The following SLC27A6 variants were observed in gnomAD, a reference collection of about 807,000 sequenced individuals.
SLC27A6 encodes long-chain fatty acid transport protein 6.
SLC27A6 carries 74 observed loss-of-function variants against 63.9 expected under a neutral mutation model. The observed-to-expected ratio is 1.16, with a 90% CI of 0.96 to 1.40. SLC27A6 has a LOEUF of 1.40. SLC27A6 is among the 40% of genes most tolerant of loss of function. SLC27A6 has a pLI of 0.00. For synonymous variants in SLC27A6, 287 were observed against 260.8 expected (o/e 1.10, Z -0.97); for missense variants, 794 against 732.9 (o/e 1.08, Z -0.96).
intron 4 of SLC27A6, among the ~76,000 whole-genome samples, chr5:129,004,384 A>T (rs1751448054): frequency 1.3e-5 from 2 of 150,810 alleles, no homozygotes; most frequent in Non-Finnish European, 1.5e-5. Flanking sequence ...TTGTTCTGTG[A>T]GTCTCTCTTG....
At chr5:128,983,908 T>C (rs1750700158) in intron 1 of SLC27A6, among the ~76,000 whole-genome samples, 1 of 152,210 alleles carries the variant, frequency 6.6e-6, no homozygotes, top group Non-Finnish European at 1.5e-5. Flanking sequence ...CTTCTGGTAG[T>C]TGCCAGTAAT....
Position 128,990,420 on chromosome 5 carries a change from C to T in SLC27A6, c.925C>T (p.Gln309Ter). ...DCKKYDVTVF[Q>*]YIGELCRYLC... is the part of the protein sequence containing the mutation. The stretch of plus-strand genomic sequence containing the variant: ...CAAGAAGTATGATGTGACTGTGTTT[C>T]AGTATATTGGAGAACTTTGTCGCTA... Residue 309 changes from glutamine (Q) to a stop codon, truncating the protein, a stop_gained, in exon 4 of 10, where the codon CAG becomes TAG. Coordinates refer to ENST00000262462, the MANE Select transcript of SLC27A6 (RefSeq NM_001017372.3). LOFTEE classifies it high-confidence loss of function. 6.2e-7 allele frequency: 1 copy of T among 1,613,812 alleles called. No homozygotes were observed. Among genetic ancestry groups the T allele is most frequent in the Non-Finnish European group, 8.5e-7 (1 of 1,179,912 alleles).
chr5:129,016,163 T>C lies in SLC27A6; in HGVS notation c.1164+84T>C, dbSNP rs528267138. On this transcript the variant is annotated intron_variant, in intron 5 of 9. Coordinates refer to ENST00000262462, the MANE Select transcript of SLC27A6 (RefSeq NM_001017372.3). ...ATCCCAACACTTTGGGACGCCGAGG[T>C]GGGCAGATCATGAGGTCAGGAGATC... 21 of 936,698 alleles carry C rather than the reference T, an allele frequency of 2.2e-5. No individual in the cohort carries two copies. In the African/African-American group the frequency reaches 3.4e-4, roughly 15 times the overall value. The allele number at this position is 936,698 out of a possible 1,614,324, so 58.0% of individuals were successfully genotyped here. A position where few individuals can be genotyped will look rare whatever the true frequency, so the allele number is the denominator to read the frequency against.
At chr5:128,998,443 C>T (rs1284027908) in intron 4 of SLC27A6, among the ~76,000 whole-genome samples, 1 of 151,288 alleles carries the variant, frequency 6.6e-6, no homozygotes, top group East Asian at 1.9e-4. Context: ...TGGTCTTTGA[C>T]TAATAAAAAT....
At chr5:129,022,018 T>G (rs1021157843) in intron 5 of SLC27A6, among the ~76,000 whole-genome samples, 4 of 152,162 alleles carry the variant, frequency 2.6e-5, no homozygotes. Flanking sequence ...GAATAAGTAA[T>G]GAACAGGGCT....
intron 4 of SLC27A6, among the ~76,000 whole-genome samples, chr5:128,991,090 C>T (rs181658193): frequency 8.5e-5 from 13 of 152,328 alleles, no homozygotes; most frequent in African/African-American, 2.9e-4. Flanking sequence ...TTGCCACTGC[C>T]GGCTCAAATG....
chr5:128,977,088 A>G (rs1200322706), intron 1 of SLC27A6, among the ~76,000 whole-genome samples: 3 of 152,230 alleles, frequency 2.0e-5, no homozygotes, highest in African/African-American at 7.2e-5. Context: ...TACCAAATGA[A>G]CAGTGGAGAG....
intron 4 of SLC27A6, among the ~76,000 whole-genome samples, chr5:129,001,833 A>C (rs989205317): frequency 6.6e-6 from 1 of 152,216 alleles, no homozygotes; most frequent in Non-Finnish European, 1.5e-5. Flanking sequence ...GAATAACCAC[A>C]TGTTTTGGAA....
chr5:128,975,521 T>C (rs892243419), intron 1 of SLC27A6, among the ~76,000 whole-genome samples: 3 of 152,340 alleles, frequency 2.0e-5, no homozygotes, highest in Admixed American at 2.0e-4. Flanking sequence ...ATTACTGTAC[T>C]GAATATCGTA....
chr5:128,988,972 C>T (rs373309061), intron 3 of SLC27A6, among the ~76,000 whole-genome samples: 15 of 152,086 alleles, frequency 9.9e-5, no homozygotes, highest in African/African-American at 3.6e-4. Context: ...AGGATTTGGC[C>T]ATGTGGTCGG....
At chr5:128,990,230 A>G in intron 3 of SLC27A6, 110 bp from the exon 4 acceptor site, 1 of 1,085,000 alleles carries the variant, frequency 9.2e-7, no homozygotes, top group Non-Finnish European at 1.3e-6. Context: ...GAGTTATTAA[A>G]GTTTTAAAAT....
chr5:129,029,566 C>G lies in SLC27A6; in HGVS notation c.1553-11C>G, dbSNP rs1752352410. On this transcript the variant is annotated splice_polypyrimidine_tract_variant and intron_variant, in intron 8 of 9. Transcript: ENST00000262462. Reference sequence around the variant, plus strand: ...TACTTAAAAATGACTCTATTTCAAACTTTTTTTCAGGTTATGAAGGAAGAG... The same window carrying G: ...TACTTAAAAATGACTCTATTTCAAAGTTTTTTTCAGGTTATGAAGGAAGAG... 1 of 1,549,328 alleles carries G rather than the reference C, an allele frequency of 6.5e-7. No individual in the cohort carries two copies.
chr5:129,010,646 T>C (rs1043195264), intron 4 of SLC27A6, among the ~76,000 whole-genome samples: 2 of 152,158 alleles, frequency 1.3e-5, no homozygotes, highest in African/African-American at 2.4e-5. Flanking sequence ...AGCCCCCAGC[T>C]GATAGCCAGC....
chr5:128,979,891 C>A (rs1750525542), intron 1 of SLC27A6, among the ~76,000 whole-genome samples: 1 of 152,168 alleles, frequency 6.6e-6, no homozygotes, highest in South Asian at 2.1e-4. Context: ...AAGACTTGTG[C>A]TTCTGTTATT....
intron 5 of SLC27A6, among the ~76,000 whole-genome samples, chr5:129,020,690 G>A (rs111807663): frequency 0.03 from 4,507 of 152,140 alleles, 93 homozygotes; most frequent in Non-Finnish European, 0.044. Context: ...TAGGGATGAG[G>A]AAAGTTAGAC....
intron 1 of SLC27A6, among the ~76,000 whole-genome samples, chr5:128,979,480 C>T (rs1462103077): frequency 1.3e-5 from 2 of 152,046 alleles, no homozygotes; most frequent in Admixed American, 6.6e-5. Flanking sequence ...GTATTCACTG[C>T]GTTTTAAAAA....
intron 1 of SLC27A6, among the ~76,000 whole-genome samples, chr5:128,977,371 T>A (rs1335265125): frequency 1.3e-5 from 2 of 151,736 alleles, no homozygotes; most frequent in African/African-American, 4.8e-5. Context: ...TTGGAGGGAG[T>A]CACTGTAAAG....
At chr5:128,992,857 C>T (rs1364933823) in intron 4 of SLC27A6, among the ~76,000 whole-genome samples, 2 of 152,216 alleles carry the variant, frequency 1.3e-5, no homozygotes, top group Non-Finnish European at 2.9e-5. Flanking sequence ...TGAAGCTCAT[C>T]TGCTTTCTAA....
intron 2 of SLC27A6, among the ~76,000 whole-genome samples, chr5:128,986,103 A>G (rs1309181715): frequency 6.6e-6 from 1 of 152,154 alleles, no homozygotes; most frequent in Non-Finnish European, 1.5e-5. Flanking sequence ...CTTGAGGCCA[A>G]GTGTTTGAGA....
Sources: gnomAD v4.1 joint callset for allele counts (sites outside exome capture counted in the v4.1 genomes callset) on GRCh38, gnomAD v4.1.1 for gene constraint, MANE v1.5 for transcripts, NCBI Gene and HGNC (gene_info 2026-07-23, HGNC 2026-07-21) for gene names.